The following CATSPERG variants were observed in gnomAD, a reference collection of about 807,000 sequenced individuals.
The protein encoded by CATSPERG is catsper channel auxiliary subunit gamma, also known as cation channel sperm-associated auxiliary subunit gamma.
Under a neutral mutation model 145.0 loss-of-function variants are expected in CATSPERG, and 115 were observed. The observed-to-expected ratio is 0.79, with a 90% CI of 0.68 to 0.93. The LOEUF is 0.93. Among genes scored for constraint, CATSPERG ranks in the 40% least tolerant of loss-of-function variants. The pLI is 0.00. For missense variants in CATSPERG, 1,296 were observed against 1,490.1 expected, an observed-to-expected ratio of 0.87 and a Z score of 2.14; for synonymous variants, 588 against 589.0, an observed-to-expected ratio of 1.00 and a Z score of 0.02.
At position 38,364,957 on chromosome 19, in the gene CATSPERG, TC is replaced by T; in HGVS notation, c.2544del (p.Met849Ter). The T allele has an allele frequency of 6.2e-7, 1 of 1,614,016 alleles. No individual in the cohort carries two copies. The highest frequency in any genetic ancestry group is 1.1e-5 in the South Asian group (1 of 91,078). ...GISGHHLMET[S>X]MTVNVVGSSG... Reference sequence around the variant, plus strand: ...TAGTGGACATCACCTTATGGAGACTTCCATGACGGTCAATGTGAGGTCCAAG... The same window carrying T: ...TAGTGGACATCACCTTATGGAGACTTCATGACGGTCAATGTGAGGTCCAAG... On this transcript the variant is annotated frameshift_variant, in exon 21 of 29. Coordinates refer to ENST00000409235, the MANE Select transcript of CATSPERG (RefSeq NM_021185.5). LOFTEE classifies it high-confidence loss of function.
At chr19:38,367,030 G>T (rs1419482778) in intron 22 of CATSPERG, 126 bp from the exon 23 acceptor site, 2 of 818,386 alleles carry the variant, frequency 2.4e-6, no homozygotes, top group East Asian at 2.7e-5. Flanking sequence ...GCCCTTGGGG[G>T]TGAGGGAGAG....
At chr19:38,340,642 C>T (rs957547130) in intron 3 of CATSPERG, among the ~76,000 whole-genome samples, 1 of 151,942 alleles carries the variant, frequency 6.6e-6, no homozygotes, top group Non-Finnish European at 1.5e-5. Flanking sequence ...TTTTTAGAGA[C>T]AGGGTCTTGC....
intron 13 of CATSPERG, 85 bp downstream of exon 13, chr19:38,358,646 AG>A (rs1970290005): frequency 1.3e-6 from 2 of 1,536,220 alleles, no homozygotes; most frequent in East Asian, 4.5e-5. Context: ...AGCCCAGGCT[AG>A]GCAAGTCTCA....
chr19:38,353,504 T>C (rs3815345), intron 8 of CATSPERG, among the ~76,000 whole-genome samples: 45,374 of 151,502 alleles, frequency 0.3, 7,341 homozygotes, highest in East Asian at 0.58. Context: ...CTGGCTAACA[T>C]GGTGAAACCC....
At chr19:38,354,031 C>T (rs1970200856) in intron 8 of CATSPERG, among the ~76,000 whole-genome samples, 1 of 142,780 alleles carries the variant, frequency 7.0e-6, no homozygotes, top group East Asian at 2.1e-4. Context: ...TACCAAAGCT[C>T]TCTTATTTCT....
chr19:38,353,373 G>A (rs1343126586), intron 8 of CATSPERG, among the ~76,000 whole-genome samples: 2 of 151,340 alleles, frequency 1.3e-5, no homozygotes, highest in African/African-American at 4.9e-5. Flanking sequence ...ATGAAAAAGA[G>A]AGACTATTCA....
intron 13 of CATSPERG, 33 bp downstream of exon 13, chr19:38,358,594 A>C: frequency 1.2e-6 from 2 of 1,613,570 alleles, no homozygotes; most frequent in Non-Finnish European, 1.7e-6. Context: ...TGGGCCAGGC[A>C]TACTCTGTCT....
intron 8 of CATSPERG, among the ~76,000 whole-genome samples, chr19:38,353,429 C>T (rs1249659500): frequency 6.6e-6 from 1 of 152,102 alleles, no homozygotes; most frequent in Non-Finnish European, 1.5e-5. Flanking sequence ...TAGCTCACAC[C>T]TGTAATCCCA....
chr19:38,367,766 C>T lies in CATSPERG; in HGVS notation c.2920C>T (p.Pro974Ser), dbSNP rs780277640. 1.2e-6 allele frequency: 2 copies of T among 1,613,896 alleles called. No individual in the cohort carries two copies. Among genetic ancestry groups the T allele is most frequent in the South Asian group, 1.1e-5 (1 of 91,090 alleles). ...SEDEIYRFNS[P>S]LDKTNSLIWT... ...GGACGAAATCTACCGCTTCAACAGCCCCCTGGACAAGTAATCCCCGTGGGG... is the reference window on the plus strand; with the variant it reads ...GGACGAAATCTACCGCTTCAACAGCTCCCTGGACAAGTAATCCCCGTGGGG... The change falls in exon 25 of 29, where the codon CCC (proline) becomes TCC (serine). Residue 974 changes from proline (P) to serine (S), a missense_variant. Pro to Ser is a moderately conservative substitution (Grantham distance 74). Transcript: ENST00000409235.
At chr19:38,365,236 C>A in intron 22 of CATSPERG, 119 bp downstream of exon 22, 1 of 891,890 alleles carries the variant, frequency 1.1e-6, no homozygotes, top group Non-Finnish European at 1.8e-6. Flanking sequence ...CTCATTCTTT[C>A]TCAACATTCA....
intron 7 of CATSPERG, among the ~76,000 whole-genome samples, chr19:38,348,201 G>A (rs760814792): frequency 6.6e-6 from 1 of 151,770 alleles, no homozygotes; most frequent in Non-Finnish European, 1.5e-5. Context: ...CTCTGTTGCC[G>A]AGGCTGGAGT....
Position 38,367,433 on chromosome 19 carries a change from T to C in CATSPERG, c.2771-76T>C, listed in dbSNP as rs1428546215. 6 of 1,564,554 alleles carry C rather than the reference T, an allele frequency of 3.8e-6. No homozygotes were observed. In the East Asian group the frequency reaches 1.3e-4, roughly 35 times the overall value. On this transcript the variant is annotated intron_variant, in intron 23 of 28. Transcript: ENST00000409235. ...ACCCTTTTTCCTGCGGCATCTCACTTTCCCCCGTCTCGGTCCTCAGCTTCT... is the reference window on the plus strand; with the variant it reads ...ACCCTTTTTCCTGCGGCATCTCACTCTCCCCCGTCTCGGTCCTCAGCTTCT...
intron 14 of CATSPERG, chr19:38,359,857 A>C: frequency 8.6e-7 from 1 of 1,167,056 alleles, no homozygotes; most frequent in African/African-American, 1.6e-5. Flanking sequence ...TTGAGCATTT[A>C]CTGTGTGCCT....
Position 38,344,326 on chromosome 19 carries a change from G to A in CATSPERG, c.627G>A (p.Lys209=). The A allele has an allele frequency of 6.4e-7, 1 of 1,551,834 alleles. No homozygotes were observed. The change falls in exon 6 of 29, where the codon AAG becomes AAA. Residue 209 remains lysine (K), a synonymous_variant. Coordinates refer to ENST00000409235, the MANE Select transcript of CATSPERG (RefSeq NM_021185.5). ...AGATGAATATCAACGGCTTCCTGAAGAGAGACCGGGACAATAACATCCAAT... is the reference window on the plus strand; with the variant it reads ...AGATGAATATCAACGGCTTCCTGAAAAGAGACCGGGACAATAACATCCAAT... ...RFQMNINGFL[K]RDRDNNIQFT...
At chr19:38,358,074 C>T (rs1600471296) in intron 11 of CATSPERG, 7 of 584,452 alleles carry the variant, frequency 1.2e-5, no homozygotes, top group Non-Finnish European at 2.1e-5. Flanking sequence ...GCTGAGATCA[C>T]ACCACTGCAC....
chr19:38,357,997 A>G (rs1368411289), intron 11 of CATSPERG: 3 of 393,066 alleles, frequency 7.6e-6, no homozygotes, highest in African/African-American at 6.1e-5. Flanking sequence ...GTGCGCCTAT[A>G]ATCCCAGCTA....
intron 28 of CATSPERG, 80 bp downstream of exon 28, chr19:38,370,338 C>T (rs1970525310): frequency 1.4e-6 from 2 of 1,450,434 alleles, no homozygotes; most frequent in Admixed American, 1.7e-5. Flanking sequence ...TACCTTCGCT[C>T]ATTCATTCCT....
At chr19:38,346,428 C>T (rs1482709898) in intron 6 of CATSPERG, 22 bp from the exon 7 acceptor site, 2 of 1,513,820 alleles carry the variant, frequency 1.3e-6, no homozygotes, top group Non-Finnish European at 1.8e-6. Flanking sequence ...GTGTTGGCGT[C>T]CCTCCTGTCC....
At chr19:38,357,474 T>C (rs1326750504) in intron 11 of CATSPERG, among the ~76,000 whole-genome samples, 1 of 147,422 alleles carries the variant, frequency 6.8e-6, no homozygotes, top group Admixed American at 7.0e-5. Flanking sequence ...CAGTGAGCTA[T>C]GATCATGCTA....
Sources: allele counts gnomAD v4.1 joint callset (sites outside exome capture counted in the v4.1 genomes callset), GRCh38; gene constraint gnomAD v4.1.1; transcripts MANE v1.5; gene names NCBI Gene and HGNC (gene_info 2026-07-23, HGNC 2026-07-21).